The following RGS17 variants were observed in gnomAD, a reference collection of about 807,000 sequenced individuals.
RGS17 encodes regulator of G-protein signaling 17.
In RGS17, 12 loss-of-function variants were observed where a neutral mutation model predicts 25.5. The ratio of observed to expected loss-of-function variants is 0.47; its 90% confidence interval spans 0.30 to 0.76. RGS17 has a LOEUF of 0.76. Among genes scored for constraint, RGS17 ranks in the 30% least tolerant of loss-of-function variants. The pLI is 0.07. For missense variants in RGS17, 196 were observed against 242.2 expected (o/e 0.81, Z 1.27); for synonymous variants, 71 against 76.9 (o/e 0.92, Z 0.40).
intron 1 of RGS17, among the ~76,000 whole-genome samples, chr6:153,107,133 G>C (rs1279905965): frequency 6.6e-6 from 1 of 151,076 alleles, no homozygotes; most frequent in African/African-American, 2.4e-5. Flanking sequence ...AGAAGTTCAA[G>C]ACCAGCCTGG....
chr6:153,124,308 T>C (rs1463165857), intron 1 of RGS17, among the ~76,000 whole-genome samples: 1 of 152,174 alleles, frequency 6.6e-6, no homozygotes, highest in African/African-American at 2.4e-5. Context: ...GCCTAGCACA[T>C]AGTGGGTGCT....
intron 1 of RGS17, among the ~76,000 whole-genome samples, chr6:153,105,548 C>T (rs1777367134): frequency 6.6e-6 from 1 of 152,092 alleles, no homozygotes; most frequent in Non-Finnish European, 1.5e-5. Flanking sequence ...GCTGGAGAGG[C>T]AAGCTCAGAA....
intron 1 of RGS17, among the ~76,000 whole-genome samples, chr6:153,127,281 G>C (rs934975065): frequency 6.6e-6 from 1 of 152,150 alleles, no homozygotes; most frequent in Non-Finnish European, 1.5e-5. Context: ...TCAGGGGTTG[G>C]GGACCCCTGT....
At chr6:153,078,458 T>C (rs1396834788) in intron 1 of RGS17, among the ~76,000 whole-genome samples, 1 of 152,008 alleles carries the variant, frequency 6.6e-6, no homozygotes, top group African/African-American at 2.4e-5. Flanking sequence ...TGTTTTATTG[T>C]TTTTTCAGAG....
intron 1 of RGS17, among the ~76,000 whole-genome samples, chr6:153,098,031 A>G (rs1410975821): frequency 2.0e-5 from 3 of 152,170 alleles, no homozygotes; most frequent in Non-Finnish European, 2.9e-5. Flanking sequence ...GTGAAAAACT[A>G]TCACTTCCAA....
rs1779090519 is a variant in RGS17 at position 153,007,652 on chromosome 6, CATG to C, written c.*3919_*3921del. On this transcript the variant is annotated 3_prime_UTR_variant, in exon 5 of 5. Coordinates refer to ENST00000206262, the MANE Select transcript of RGS17 (RefSeq NM_012419.5). ...TGTTGCCAAGGCTGGAGTGCAGTGG[CATG>C]ATATCAGCTCACTGCGACCTCTGCC... The C allele has an allele frequency of 1.3e-5, 2 of 151,996 alleles. No homozygotes were observed. The highest frequency in any genetic ancestry group is 2.4e-5 in the African/African-American group (1 of 41,388). The allele number at this position is 151,996 out of a possible 1,614,324, so 9.4% of individuals were successfully genotyped here.
chr6:153,060,067 A>T (rs1041146484), intron 1 of RGS17, among the ~76,000 whole-genome samples: 1 of 152,206 alleles, frequency 6.6e-6, no homozygotes. Flanking sequence ...GGCTCAGGCC[A>T]CACTGAGTTG....
At chr6:153,030,025 A>T (rs1779344804) in intron 2 of RGS17, among the ~76,000 whole-genome samples, 2 of 152,256 alleles carry the variant, frequency 1.3e-5, no homozygotes, top group South Asian at 4.1e-4. Flanking sequence ...GAGGGTCTTG[A>T]TCAAACCTTA....
At chr6:153,028,601 T>TG (rs577791970) in intron 2 of RGS17, among the ~76,000 whole-genome samples, 223 of 151,798 alleles carry the variant, frequency 1.5e-3, no homozygotes, top group African/African-American at 3.8e-3. Context: ...GAAAAGTGGA[T>TG]GGGGGGGGAT....
chr6:153,020,118 A>ATATATATATATATATATT (rs1562312979), intron 4 of RGS17, among the ~76,000 whole-genome samples: 43 of 78,824 alleles, frequency 5.5e-4, no homozygotes, highest in African/African-American at 2.3e-3. Context: ...AAAAATATAT[A>ATATATATATATATATATT]TATATATATA....
chr6:153,028,133 G>C (rs1006102204), intron 2 of RGS17, among the ~76,000 whole-genome samples: 1 of 152,212 alleles, frequency 6.6e-6, no homozygotes, highest in African/African-American at 2.4e-5. Flanking sequence ...AAAGGATTCT[G>C]TAGTCAGGAA....
At chr6:153,015,493 T>C (rs1053005257) in intron 4 of RGS17, among the ~76,000 whole-genome samples, 2 of 152,078 alleles carry the variant, frequency 1.3e-5, no homozygotes, top group South Asian at 4.1e-4. Flanking sequence ...CAAGACCCTC[T>C]CTCCACCAGC....
At position 153,011,375 on chromosome 6, in the gene RGS17, A is replaced by G; in HGVS notation, c.*199T>C. On this transcript the variant is annotated 3_prime_UTR_variant, in exon 5 of 5. Transcript: ENST00000206262. ...AATAAAACAAACAATTTGGCAATTC[A>G]TTGTTTTGTGTGGTATTTTCTCCAA... is the stretch of plus-strand genomic sequence containing the variant. The G allele has an allele frequency of 3.6e-6, 2 of 549,426 alleles. No individual in the cohort carries two copies. Among genetic ancestry groups the G allele is most frequent in the Non-Finnish European group, 3.2e-6 (1 of 313,542 alleles). 34.0% of individuals were successfully genotyped at this position (549,426 alleles called of 1,614,324 possible). A position where few individuals can be genotyped will look rare whatever the true frequency, so the allele number is the denominator to read the frequency against.
chr6:153,089,137 T>C (rs1000566201), intron 1 of RGS17, among the ~76,000 whole-genome samples: 5 of 152,016 alleles, frequency 3.3e-5, no homozygotes, highest in African/African-American at 1.2e-4. Context: ...AAGTCTCTGA[T>C]CACAATGGTA....
chr6:153,015,656 TC>T (rs1032685622), intron 4 of RGS17, among the ~76,000 whole-genome samples: 6 of 152,036 alleles, frequency 3.9e-5, no homozygotes, highest in African/African-American at 1.4e-4. Context: ...GTATAGTATA[TC>T]TTTTTTTTGT....
At chr6:153,103,556 C>T (rs889854368) in intron 1 of RGS17, among the ~76,000 whole-genome samples, 9 of 152,130 alleles carry the variant, frequency 5.9e-5, no homozygotes, top group African/African-American at 2.2e-4. Context: ...CTATTCTTGT[C>T]CTCCATGATC....
intron 1 of RGS17, among the ~76,000 whole-genome samples, chr6:153,075,221 G>T (rs1220453015): frequency 6.6e-6 from 1 of 152,068 alleles, no homozygotes; most frequent in Non-Finnish European, 1.5e-5. Context: ...CTTGATAAAG[G>T]TAGAACACCA....
At chr6:153,074,719 C>T (rs1406217834) in intron 1 of RGS17, among the ~76,000 whole-genome samples, 1 of 152,140 alleles carries the variant, frequency 6.6e-6, no homozygotes, top group Non-Finnish European at 1.5e-5. Context: ...ATGTTGTCAG[C>T]AATCTTCGCT....
intron 1 of RGS17, among the ~76,000 whole-genome samples, chr6:153,105,903 G>C (rs1777373262): frequency 6.6e-6 from 1 of 152,166 alleles, no homozygotes; most frequent in South Asian, 2.1e-4. Flanking sequence ...CTGTAGTGTG[G>C]CATCAGGAGT....
Sources: gnomAD v4.1 joint callset for allele counts (sites outside exome capture counted in the v4.1 genomes callset) on GRCh38, gnomAD v4.1.1 for gene constraint, MANE v1.5 for transcripts, NCBI Gene and HGNC (gene_info 2026-07-23, HGNC 2026-07-21) for gene names.